Variants in PREB observed in about 807,000 individuals in gnomAD.
PREB encodes the protein prolactin regulatory element binding, also known as guanine nucleotide-exchange factor SEC12.
PREB carries 29 observed loss-of-function variants against 46.7 expected under a neutral mutation model. That is an observed-to-expected ratio of 0.62 (90% confidence interval 0.46 to 0.85). The LOEUF (loss-of-function observed/expected upper bound fraction) is 0.85, where lower values mean the gene tolerates loss of function less well. Among genes scored for constraint, PREB ranks in the 40% least tolerant of loss-of-function variants. The pLI, the probability that PREB is intolerant of heterozygous loss-of-function variation, is 0.00. For missense variants in PREB, 494 were observed against 528.4 expected (o/e 0.93, Z 0.64); for synonymous variants, 224 against 220.1 (o/e 1.02, Z -0.16).
In PREB at chr2:27,131,329, A is replaced by G. The variant is rs1210661944; in HGVS notation, c.*85T>C. The G allele has an allele frequency of 7.9e-7, 1 of 1,268,588 alleles. No individual in the cohort carries two copies. Among genetic ancestry groups the G allele is most frequent in the Non-Finnish European group, 1.1e-6 (1 of 892,126 alleles). The allele number at this position is 1,268,588 out of a possible 1,614,324, so 78.6% of individuals were successfully genotyped here. ...GCGGCAACCTCAGCTGTGGACCCGA[A>G]TGGAGTGAGCAAAGGGAGTCCAGGC... On this transcript the variant is annotated 3_prime_UTR_variant, in exon 9 of 9. Transcript: ENST00000260643.
At position 27,134,436 on chromosome 2, in the gene PREB, G is replaced by A; in HGVS notation, c.-15C>T. ...CGCCGGCCCATCCCGCCCGGCGCGC[G>A]TTCACTGCCCGCACCGCGGCACCCA... On this transcript the variant is annotated 5_prime_UTR_variant, in exon 1 of 9. The change creates a new upstream start codon in the 5' untranslated region. Coordinates refer to ENST00000260643, the MANE Select transcript of PREB (RefSeq NM_013388.6). 4 of 1,545,436 alleles carry A rather than the reference G, an allele frequency of 2.6e-6. No individual in the cohort carries two copies. Among genetic ancestry groups the A allele is most frequent in the Admixed American group, 2.1e-5 (1 of 48,092 alleles).
intron 7 of PREB, 81 bp from the exon 8 acceptor site, chr2:27,131,912 T>C (rs1023179982): frequency 1.9e-6 from 3 of 1,593,288 alleles, no homozygotes; most frequent in Non-Finnish European, 2.6e-6. Context: ...ACCCCCAGGA[T>C]TTCCCTCGAT....
chr2:27,134,168 C>T (rs1299026529), intron 1 of PREB, 119 bp downstream of exon 1: 17 of 1,313,192 alleles, frequency 1.3e-5, no homozygotes, highest in East Asian at 2.7e-5. Flanking sequence ...AGCGGGTCTT[C>T]CCAACAGAAG....
chr2:27,133,442 C>G (rs1464239797), intron 2 of PREB, 90 bp downstream of exon 2: 59 of 1,593,882 alleles, frequency 3.7e-5, no homozygotes, highest in Non-Finnish European at 4.9e-5. Context: ...CTACCAAAAC[C>G]CTACTTCCAG....
Position 27,134,588 on chromosome 2 carries a change from G to A in PREB, c.-167C>T, listed in dbSNP as rs1672426072. On this transcript the variant is annotated 5_prime_UTR_variant, in exon 1 of 9. Transcript: ENST00000260643. ...CCAAAACCCTGACCATCAGCAGGAA[G>A]CCGAGCCTCAGCTCGGCTCCGTCCA... is the stretch of plus-strand genomic sequence containing the variant. 7.4e-7 allele frequency: 1 copy of A among 1,343,312 alleles called. No individual in the cohort carries two copies. The highest frequency in any genetic ancestry group is 9.5e-7 in the Non-Finnish European group (1 of 1,053,196). The allele number at this position is 1,343,312 out of a possible 1,614,324, so 83.2% of individuals were successfully genotyped here.
chr2:27,134,249 C>T, intron 1 of PREB, 38 bp downstream of exon 1: 1 of 1,533,362 alleles, frequency 6.5e-7, no homozygotes, highest in Non-Finnish European at 8.8e-7. Flanking sequence ...GCCGCCAGCC[C>T]GCAGCAAGAC....
intron 2 of PREB, 47 bp from the exon 3 acceptor site, chr2:27,133,384 G>A (rs1447690601): frequency 1.2e-6 from 2 of 1,607,654 alleles, no homozygotes; most frequent in South Asian, 2.2e-5. Flanking sequence ...ACAGTAAGGA[G>A]TACTGGCCCC....
rs1439840048 is a variant in PREB at position 27,132,105 on chromosome 2, C to T, written c.927-23G>A. ...TCACTGCAACAAACAATAAAGAGCT[C>T]ATTGTCCTGGAGGCTTGTGCAGCAA... On this transcript the variant is annotated intron_variant, in intron 6 of 8. Coordinates refer to ENST00000260643, the MANE Select transcript of PREB (RefSeq NM_013388.6). This position sits in a 1 kb window ranked among gnomAD's most constrained non-coding sequence, Gnocchi z 4.0. 1 of 1,613,074 alleles carries T rather than the reference C, an allele frequency of 6.2e-7. No homozygotes were observed. The highest frequency in any genetic ancestry group is 1.1e-5 in the South Asian group (1 of 91,038).
In PREB at chr2:27,132,911, C is replaced by T. The variant is rs141077473; in HGVS notation, c.559G>A (p.Glu187Lys). Residue 187 changes from glutamate to lysine, a missense_variant, in exon 4 of 9, where the codon GAG becomes AAG. Coordinates refer to ENST00000260643, the MANE Select transcript of PREB (RefSeq NM_013388.6). The surrounding 1 kb of genome is among the most constrained non-coding windows in gnomAD (Gnocchi z 4.0). Reference protein sequence around the residue: ...YVRVWKVPSLEKVLEFKAHEG... With the variant: ...YVRVWKVPSLKKVLEFKAHEG... ...TGGGCTTTGAACTCCAGAACCTTCT[C>T]CAGGCTGGGCACCTGTAGCCAAACA... 6.2e-7 allele frequency: 1 copy of T among 1,614,052 alleles called. No homozygotes were observed. The highest frequency in any genetic ancestry group is 1.3e-5 in the African/African-American group (1 of 74,996).
intron 1 of PREB, 180 bp from the exon 2 acceptor site, chr2:27,133,901 C>A (rs369072563): frequency 3.1e-6 from 2 of 655,480 alleles, no homozygotes; most frequent in Non-Finnish European, 5.1e-6. Context: ...GGGATTATTA[C>A]CTCTATTTTA....
chr2:27,131,985 G>A, intron 7 of PREB, 25 bp downstream of exon 7: 1 of 1,609,554 alleles, frequency 6.2e-7, no homozygotes, highest in Non-Finnish European at 8.5e-7. Flanking sequence ...CCACCCACAG[G>A]GCCATGCCAA....
chr2:27,132,486 C>T lies in PREB; in HGVS notation c.753-83G>A, dbSNP rs189639978. ...GTTTGTGCACCACCTGCACCCTGGTCAGACCTGGGGTAACACTCAACAAGT... is the reference window on the plus strand; with the variant it reads ...GTTTGTGCACCACCTGCACCCTGGTTAGACCTGGGGTAACACTCAACAAGT... On this transcript the variant is annotated intron_variant, in intron 5 of 8. Transcript: ENST00000260643. This position sits in a 1 kb window ranked among gnomAD's most constrained non-coding sequence, Gnocchi z 4.0. The T allele has an allele frequency of 3.5e-5, 56 of 1,588,818 alleles. No individual in the cohort carries two copies. The East Asian group carries it at 9.4e-4, about 27-fold the overall frequency.
Position 27,133,226 on chromosome 2 carries a change from G to A in PREB, c.437C>T (p.Ala146Val), listed in dbSNP as rs749595387. 6.7e-5 allele frequency: 108 copies of A among 1,614,010 alleles called. No individual in the cohort carries two copies. Among genetic ancestry groups the A allele is most frequent in the Non-Finnish European group, 8.6e-5 (102 of 1,180,038 alleles). Reference sequence around the variant, plus strand: ...ATCGGAGCTAAAGTCTGTCTGCACCGCCTGCAAATTCTCTACCCTGAGTTC... The same window carrying A: ...ATCGGAGCTAAAGTCTGTCTGCACCACCTGCAAATTCTCTACCCTGAGTTC... ...GLELRVENLQ[A>V]VQTDFSSDPL... Residue 146 changes from alanine to valine, a missense_variant, in exon 3 of 9, where the codon GCG becomes GTG. Transcript: ENST00000260643.
In PREB at chr2:27,134,533, A is replaced by T. The variant is rs752529238; in HGVS notation, c.-112T>A. 1.4e-5 allele frequency: 19 copies of T among 1,381,338 alleles called. No individual in the cohort carries two copies. The highest frequency in any genetic ancestry group is 1.7e-5 in the Non-Finnish European group (18 of 1,076,834). The allele number at this position is 1,381,338 out of a possible 1,614,324, so 85.6% of individuals were successfully genotyped here. A position where few individuals can be genotyped will look rare whatever the true frequency, so the allele number is the denominator to read the frequency against. ...ACTCGGCCCCGTCGCCGCCGGGAGC[A>T]CTCCCTACCCCTCTCACACCGGGGA... On this transcript the variant is annotated 5_prime_UTR_variant, in exon 1 of 9. Transcript: ENST00000260643.
intron 2 of PREB, 50 bp downstream of exon 2, chr2:27,133,482 C>T (rs1338933044): frequency 6.3e-7 from 1 of 1,598,954 alleles, no homozygotes; most frequent in Non-Finnish European, 8.5e-7. Flanking sequence ...CCAAGAGTGA[C>T]CTTACTCGTT....
At position 27,132,552 on chromosome 2, in the gene PREB, C is replaced by T. The variant is rs1379788489; in HGVS notation, c.752+51G>A. On this transcript the variant is annotated intron_variant, in intron 5 of 8. Coordinates refer to ENST00000260643, the MANE Select transcript of PREB (RefSeq NM_013388.6). The surrounding 1 kb of genome is among the most constrained non-coding windows in gnomAD (Gnocchi z 4.0). The stretch of plus-strand genomic sequence containing the variant: ...CCATCCCCAGTCTTTTCCCTCTCCC[C>T]CACCACAGCTGGGCTATGCCTCTTT... 1 of 1,610,594 alleles carries T rather than the reference C, an allele frequency of 6.2e-7. No individual in the cohort carries two copies. Among genetic ancestry groups the T allele is most frequent in the East Asian group, 2.2e-5 (1 of 44,838 alleles).
rs577229457 is a variant in PREB at position 27,131,777 on chromosome 2, G to C, written c.1054C>G (p.Leu352Val). 5 of 1,614,164 alleles carry C rather than the reference G, an allele frequency of 3.1e-6. No homozygotes were observed. Among genetic ancestry groups the C allele is most frequent in the African/African-American group, 1.3e-5 (1 of 75,058 alleles). The change falls in exon 8 of 9, where the codon CTA becomes GTA. Residue 352 changes from leucine (L) to valine (V), a missense_variant. Transcript: ENST00000260643. Reference protein sequence around the residue: ...HGIVVTDVAFLPEKGRGPELL... With the variant: ...HGIVVTDVAFVPEKGRGPELL... ...TCTGGACCACGACCCTTCTCAGGTA[G>C]AAAGGCCACATCCGTCACCACAATG...
rs1672393973 is a variant in PREB, at chr2:27,134,012, C to CCAGT, written c.135+271_135+274dup. ...GGCAGGCAAGACCTCCCGGAAAAGG[C>CCAGT]CAGTATAAGACCCCTGGAGCTGCTC... is the stretch of plus-strand genomic sequence containing the variant. On this transcript the variant is annotated intron_variant, in intron 1 of 8. Coordinates refer to ENST00000260643, the MANE Select transcript of PREB (RefSeq NM_013388.6). 4.9e-6 allele frequency: 3 copies of CCAGT among 609,546 alleles called. No individual in the cohort carries two copies. The African/African-American group carries it at 5.6e-5, about 11-fold the overall frequency. The allele number at this position is 609,546 out of a possible 1,614,324, so 37.8% of individuals were successfully genotyped here. A position where few individuals can be genotyped will look rare whatever the true frequency, so the allele number is the denominator to read the frequency against.
intron 1 of PREB, 86 bp downstream of exon 1, chr2:27,134,201 T>G: frequency 7.1e-7 from 1 of 1,415,770 alleles, no homozygotes; most frequent in Non-Finnish European, 9.3e-7. Flanking sequence ...GAAGCTGGAG[T>G]GTGGCCCGCC....
Sources: gnomAD v4.1 joint callset for allele counts on GRCh38, gnomAD v4.1.1 for gene constraint, Gnocchi (gnomAD v3.1) non-coding constraint, MANE v1.5 for transcripts, NCBI Gene and HGNC (gene_info 2026-07-23, HGNC 2026-07-21) for gene names.